LGR6: variants seen among roughly 807,000 people sequenced by gnomAD.
LGR6 encodes leucine-rich repeat-containing G protein-coupled receptor 6.
A neutral mutation model predicts 69.4 loss-of-function variants in LGR6; 45 were observed. That is an observed-to-expected ratio of 0.65 (90% CI 0.51 to 0.83). The LOEUF (loss-of-function observed/expected upper bound fraction) is 0.83. LGR6 is among the 40% of genes least tolerant of loss of function. The pLI is 0.00. For synonymous variants in LGR6, 538 were observed against 555.0 expected (o/e 0.97, Z 0.43); for missense variants, 1,108 against 1,246.7 (o/e 0.89, Z 1.68).
chr1:202,273,726 G>A (rs1417905655), intron 4 of LGR6, among the ~76,000 whole-genome samples: 1 of 152,094 alleles, frequency 6.6e-6, no homozygotes, highest in Non-Finnish European at 1.5e-5. Flanking sequence ...AAAATGCTGG[G>A]ATTACAGGCG....
chr1:202,215,102 T>C (rs1320963629), intron 1 of LGR6, among the ~76,000 whole-genome samples: 1 of 68,862 alleles, frequency 1.5e-5, no homozygotes, highest in Non-Finnish European at 2.9e-5. Context: ...CCATCTGGGA[T>C]GGGGTTAGTG....
chr1:202,196,590 G>T (rs562275648), intron 1 of LGR6, among the ~76,000 whole-genome samples: 3 of 152,214 alleles, frequency 2.0e-5, no homozygotes, highest in Non-Finnish European at 4.4e-5. Context: ...CTAAGCCTCA[G>T]GTTCTTCATG....
intron 1 of LGR6, among the ~76,000 whole-genome samples, chr1:202,204,506 A>AACACAC (rs572817133): frequency 1.0e-4 from 7 of 66,784 alleles, no homozygotes; most frequent in African/African-American, 4.6e-4. Flanking sequence ...CACACCTCCA[A>AACACAC]ACACACACAC....
In LGR6 at chr1:202,309,075, C is replaced by T. The variant is rs573151346; in HGVS notation, c.1305C>T (p.Thr435=). 5 of 1,614,150 alleles carry T rather than the reference C, an allele frequency of 3.1e-6. No homozygotes were observed. In the Admixed American group the frequency reaches 8.3e-5, roughly 27 times the overall value. Residue 435 remains threonine, a synonymous_variant, in exon 15 of 18, where the codon ACC becomes ACT. Transcript: ENST00000367278. ...GGGACCTGACAGACAACCAGCTGAC[C>T]ACACTGCCCCTGGCTGGACTTGGGG... ...VKLDLTDNQL[T]TLPLAGLGGL... is the part of the protein sequence containing the mutation.
chr1:202,212,741 C>G (rs1418391572), intron 1 of LGR6, among the ~76,000 whole-genome samples: 1 of 152,174 alleles, frequency 6.6e-6, no homozygotes, highest in Non-Finnish European at 1.5e-5. Context: ...CTGCAAAGGC[C>G]GTTTTTTCAA....
rs1366591246 is a variant in LGR6 at position 202,317,965 on chromosome 1, C to G, written c.1662C>G (p.Pro554=). The change falls in exon 18 of 18, where the codon CCC becomes CCG. Residue 554 remains proline, a synonymous_variant. Coordinates refer to ENST00000367278, the MANE Select transcript of LGR6 (RefSeq NM_001017403.2). ...TCTCTCCTACAGGCCCCTTCAAGCC[C>G]TGTGAGTACCTCTTTGAAAGCTGGG... ...QCSPTPGPFK[P]CEYLFESWGI... 1.2e-6 allele frequency: 2 copies of G among 1,611,150 alleles called. No homozygotes were observed. The highest frequency in any genetic ancestry group is 1.3e-5 in the African/African-American group (1 of 75,056).
Position 202,305,335 on chromosome 1 carries a change from C to G in LGR6, c.1071-349C>G, listed in dbSNP as rs920437878. 2.0e-5 allele frequency among the ~76,000 whole-genome samples: 3 copies of G among 152,184 alleles called. No homozygotes were observed. In the East Asian group the frequency reaches 5.8e-4, roughly 29 times the overall value. ...GCTCCATAAATGGTGACTGCAGGTG[C>G]TTGGGTTGGCATTGCTCAGTGAGGT... is the stretch of plus-strand genomic sequence containing the variant. On this transcript the variant is annotated intron_variant, in intron 11 of 17. Transcript: ENST00000367278.
At chr1:202,242,500 G>A (rs1261170710) in intron 4 of LGR6, among the ~76,000 whole-genome samples, 2 of 152,206 alleles carry the variant, frequency 1.3e-5, no homozygotes, top group Admixed American at 1.3e-4. Flanking sequence ...GATGTCCCGA[G>A]TGAATATCAT....
At chr1:202,236,192 T>C (rs1028582518) in intron 4 of LGR6, 199 bp downstream of exon 4, 23 of 592,986 alleles carry the variant, frequency 3.9e-5, no homozygotes, top group Non-Finnish European at 6.6e-5. Flanking sequence ...TACACTCCTA[T>C]GCATATTTCA....
At chr1:202,225,646 C>T (rs1056375168) in intron 2 of LGR6, 152 bp downstream of exon 2, 2 of 629,442 alleles carry the variant, frequency 3.2e-6, no homozygotes, top group Non-Finnish European at 5.5e-6. Flanking sequence ...CAGCTGACAC[C>T]TGCCCCAGGT....
intron 1 of LGR6, among the ~76,000 whole-genome samples, chr1:202,216,430 T>C (rs1400134119): frequency 6.6e-6 from 1 of 152,216 alleles, no homozygotes; most frequent in African/African-American, 2.4e-5. Context: ...TAGAATGCCC[T>C]GCGATGATGG....
intron 4 of LGR6, among the ~76,000 whole-genome samples, chr1:202,243,540 G>T (rs1280946573): frequency 6.6e-6 from 1 of 152,196 alleles, no homozygotes; most frequent in African/African-American, 2.4e-5. Flanking sequence ...GTGAGGAGTA[G>T]CAATGCAATT....
intron 17 of LGR6, among the ~76,000 whole-genome samples, chr1:202,316,550 G>T (rs991423988): frequency 6.6e-6 from 1 of 152,166 alleles, no homozygotes; most frequent in Non-Finnish European, 1.5e-5. Context: ...ATATCCAAAT[G>T]ATAACAACAG....
chr1:202,314,052 G>T (rs1653947809), intron 16 of LGR6, among the ~76,000 whole-genome samples: 1 of 152,152 alleles, frequency 6.6e-6, no homozygotes, highest in Non-Finnish European at 1.5e-5. Flanking sequence ...GTTGAAGGTG[G>T]GGTGTTCCTT....
intron 2 of LGR6, 86 bp from the exon 3 acceptor site, chr1:202,227,850 C>A: frequency 1.1e-6 from 1 of 885,690 alleles, no homozygotes; most frequent in Non-Finnish European, 1.9e-6. Flanking sequence ...GCCCTCCCTT[C>A]CCGTATCTCA....
At chr1:202,292,663 ACT>A (rs36018436) in intron 6 of LGR6, among the ~76,000 whole-genome samples, 23,255 of 152,076 alleles carry the variant, frequency 0.15, 2,280 homozygotes, top group Non-Finnish European at 0.22. Flanking sequence ...TGAGAAGTCC[ACT>A]CTTGCTCCAT....
chr1:202,250,209 C>T (rs904836893), intron 4 of LGR6, among the ~76,000 whole-genome samples: 3 of 152,094 alleles, frequency 2.0e-5, no homozygotes, highest in African/African-American at 7.2e-5. Flanking sequence ...TTAGGTCTTA[C>T]CTTGAATGTC....
At chr1:202,224,125 T>G (rs1660346961) in intron 1 of LGR6, among the ~76,000 whole-genome samples, 1 of 151,960 alleles carries the variant, frequency 6.6e-6, no homozygotes, top group Non-Finnish European at 1.5e-5. Flanking sequence ...GCCTTTTGAC[T>G]TCGAAGCTCA....
rs1420090543 is a variant in LGR6 at position 202,304,565 on chromosome 1, G to T, written c.1005G>T (p.Leu335=). The T allele has an allele frequency of 1.2e-6, 2 of 1,608,206 alleles. No homozygotes were observed. The highest frequency in any genetic ancestry group is 1.7e-4 in the Middle Eastern group (1 of 6,042). ...KGTTSLEILT[L]TRAGIRLLPS... ...GTCTCTGTTCTCCCTGCAGGACCCT[G>T]ACCCGCGCAGGCATCCGGCTGCTCC... is the stretch of plus-strand genomic sequence containing the variant. The change falls in exon 11 of 18, where the codon CTG becomes CTT. Residue 335 remains leucine, a synonymous_variant. Coordinates refer to ENST00000367278, the MANE Select transcript of LGR6 (RefSeq NM_001017403.2).
Sources: allele counts gnomAD v4.1 joint callset (sites outside exome capture counted in the v4.1 genomes callset), GRCh38; gene constraint gnomAD v4.1.1; transcripts MANE v1.5; gene names NCBI Gene and HGNC (gene_info 2026-07-23, HGNC 2026-07-21).